The following IQCE variants were observed in gnomAD, a reference collection of about 807,000 sequenced individuals.
IQCE encodes IQ motif containing E, also known as IQ domain-containing protein E.
IQCE carries 115 observed loss-of-function variants against 96.0 expected under a neutral mutation model. The observed-to-expected ratio is 1.20, with a 90% CI of 1.03 to 1.40. IQCE has a LOEUF of 1.40. Among genes scored for constraint, IQCE ranks in the 40% most tolerant of loss-of-function variants. The probability of loss-of-function intolerance (pLI) is 0.00; values close to 1 mark genes in which losing one functional copy is unlikely to be tolerated. For missense variants in IQCE, 1,041 were observed against 909.1 expected, an observed-to-expected ratio of 1.15 and a Z score of -1.87; for synonymous variants, 412 against 371.2, an observed-to-expected ratio of 1.11 and a Z score of -1.26.
intron 18 of IQCE, 83 bp from the exon 19 acceptor site, chr7:2,604,796 GCT>G: frequency 2.2e-6 from 2 of 890,044 alleles, no homozygotes; most frequent in Non-Finnish European, 3.7e-6. Flanking sequence ...TGCCGTGGCA[GCT>G]CTCTCCTCGG....
rs111741238 is a variant in IQCE at position 2,585,724 on chromosome 7, A to G, written c.825-484A>G. Among the ~76,000 whole-genome samples, 3 of 152,294 alleles carry G rather than the reference A, an allele frequency of 2.0e-5. 1 individual carries two copies. The highest frequency in any genetic ancestry group is 4.8e-5 in the African/African-American group (2 of 41,556). The stretch of plus-strand genomic sequence containing the variant: ...GCGCCAGCGACTGGCATTTTTCATC[A>G]CCTGTGCACGTGCAAGAATCCCCAC... On this transcript the variant is annotated intron_variant, in intron 11 of 21. Transcript: ENST00000402050.
At position 2,562,285 on chromosome 7, in the gene IQCE, C is replaced by CATATGTATATATAT. The variant is rs1781022953; in HGVS notation, c.36+3072_36+3073insGTATATATATATAT. On this transcript the variant is annotated intron_variant, in intron 1 of 21. Transcript: ENST00000402050. ...ATATATACCAGTACCAATTAGGGTA[C>CATATGTATATATAT]ATATATATATATATATAAAATCCTT... 2.1e-5 allele frequency among the ~76,000 whole-genome samples: 3 copies of CATATGTATATATAT among 146,248 alleles called. 1 individual carries two copies. Among genetic ancestry groups the CATATGTATATATAT allele is most frequent in the African/African-American group, 7.6e-5 (3 of 39,398 alleles).
chr7:2,575,723 G>A (rs148816058), intron 6 of IQCE, among the ~76,000 whole-genome samples: 2,362 of 152,298 alleles, frequency 0.016, 33 homozygotes, highest in Non-Finnish European at 0.026. Context: ...GAGAGAAGAG[G>A]CTTTGCGTGG....
At chr7:2,569,965 T>C (rs1781644099) in intron 3 of IQCE, among the ~76,000 whole-genome samples, 1 of 152,154 alleles carries the variant, frequency 6.6e-6, no homozygotes, top group African/African-American at 2.4e-5. Flanking sequence ...AAATTGAGAA[T>C]TGATATAAAG....
At position 2,613,398 on chromosome 7, in the gene IQCE, C is replaced by G. The variant is rs1226358962; in HGVS notation, c.*3236C>G. On this transcript the variant is annotated 3_prime_UTR_variant, in exon 22 of 22. Coordinates refer to ENST00000402050, the MANE Select transcript of IQCE (RefSeq NM_152558.5). ...GGCTCCAGGGACATCCTTGGAGATA[C>G]AGGAGGCTTTCCTGGCACAGGGCAC... is the stretch of plus-strand genomic sequence containing the variant. 6.6e-6 allele frequency: 1 copy of G among 152,282 alleles called. No individual in the cohort carries two copies. Among genetic ancestry groups the G allele is most frequent in the Non-Finnish European group, 1.5e-5 (1 of 68,094 alleles). 9.4% of individuals were successfully genotyped at this position (152,282 alleles called of 1,614,324 possible).
chr7:2,572,064 C>A (rs1004200313), intron 4 of IQCE, 128 bp from the exon 5 acceptor site: 2 of 991,258 alleles, frequency 2.0e-6, no homozygotes, highest in African/African-American at 1.6e-5. Flanking sequence ...CATTTACCAG[C>A]ACGACACTGA....
At chr7:2,566,293 T>C (rs1320154507) in intron 1 of IQCE, among the ~76,000 whole-genome samples, 3 of 87,424 alleles carry the variant, frequency 3.4e-5, no homozygotes, top group Non-Finnish European at 6.1e-5. Context: ...AAAAGCTTCC[T>C]TTTTTTTTTT....
At chr7:2,577,338 G>T (rs1268708535) in intron 6 of IQCE, among the ~76,000 whole-genome samples, 5 of 129,522 alleles carry the variant, frequency 3.9e-5, no homozygotes, top group Non-Finnish European at 9.4e-5. Context: ...ATACACATTG[G>T]CGTGTGCGTG....
At chr7:2,573,326 G>A (rs1444972401) in intron 5 of IQCE, 92 bp from the exon 6 acceptor site, 3 of 685,680 alleles carry the variant, frequency 4.4e-6, no homozygotes, top group Non-Finnish European at 7.8e-6. Flanking sequence ...AAAAGGAAAT[G>A]TTACTAACTT....
chr7:2,599,687 G>A (rs557208843), intron 17 of IQCE, among the ~76,000 whole-genome samples: 1 of 151,390 alleles, frequency 6.6e-6, no homozygotes, highest in East Asian at 2.0e-4. Context: ...GGGTCTTGCT[G>A]TGTTGTCCAG....
chr7:2,602,474 C>T (rs1271409680), intron 18 of IQCE, among the ~76,000 whole-genome samples: 4 of 152,146 alleles, frequency 2.6e-5, no homozygotes, highest in Admixed American at 2.6e-4. Context: ...CAGGAGAGGA[C>T]CCCGCCTCAG....
At chr7:2,567,187 G>C in intron 2 of IQCE, 24 bp downstream of exon 2, 1 of 1,606,784 alleles carries the variant, frequency 6.2e-7, no homozygotes, top group Non-Finnish European at 8.5e-7. Context: ...GGTGTCAGCC[G>C]TGCGACCTCG....
Position 2,583,656 on chromosome 7 carries a change from A to G in IQCE, c.721A>G (p.Lys241Glu). Residue 241 changes from lysine (K) to glutamate (E), a missense_variant, in exon 10 of 22, where the codon AAG (lysine) becomes GAG (glutamate). Lys to Glu is a moderately conservative substitution (Grantham distance 56). Coordinates refer to ENST00000402050, the MANE Select transcript of IQCE (RefSeq NM_152558.5). ...TTTCAGCAAACTCCAGACCGATATG[A>G]AGACTACCAACCTGGAAGAGATGCG... ...GTISKLQTDM[K>E]TTNLEEMRIA... 1 of 1,593,626 alleles carries G rather than the reference A, an allele frequency of 6.3e-7. No homozygotes were observed. The highest frequency in any genetic ancestry group is 8.6e-7 in the Non-Finnish European group (1 of 1,167,632).
intron 14 of IQCE, among the ~76,000 whole-genome samples, chr7:2,590,780 G>A (rs543596162): frequency 3.9e-5 from 6 of 152,248 alleles, no homozygotes; most frequent in South Asian, 4.2e-4. Context: ...TGTAGGGAAC[G>A]GTGGGAGAGC....
At chr7:2,562,079 A>G (rs552813332) in intron 1 of IQCE, among the ~76,000 whole-genome samples, 1 of 152,316 alleles carries the variant, frequency 6.6e-6, no homozygotes, top group South Asian at 2.1e-4. Flanking sequence ...TTCATAGATT[A>G]TTGAGTATCT....
chr7:2,583,524 C>G, intron 9 of IQCE, 113 bp from the exon 10 acceptor site: 1 of 607,482 alleles, frequency 1.6e-6, no homozygotes, highest in Non-Finnish European at 2.7e-6. Flanking sequence ...CCCTCCCATC[C>G]TGGGTCTTTT....
In IQCE at chr7:2,609,260, G is replaced by T. The variant is rs575704082; in HGVS notation, c.1970-784G>T. 2.6e-5 allele frequency among the ~76,000 whole-genome samples: 4 copies of T among 151,896 alleles called. No individual in the cohort carries two copies. In the East Asian group the frequency reaches 7.7e-4, roughly 29 times the overall value. Reference sequence around the variant, plus strand: ...GCAAGCTCACAGCGATCCGTGCCTTGCCCCCTCCTGCCCTCTATACCAGTG... The same window carrying T: ...GCAAGCTCACAGCGATCCGTGCCTTTCCCCCTCCTGCCCTCTATACCAGTG... On this transcript the variant is annotated intron_variant, in intron 21 of 21. Transcript: ENST00000402050.
chr7:2,595,899 C>A (rs577541516), intron 16 of IQCE, among the ~76,000 whole-genome samples: 1 of 151,152 alleles, frequency 6.6e-6, no homozygotes, highest in East Asian at 1.9e-4. Flanking sequence ...GTACTTGCCT[C>A]CCTGGAGGGT....
At position 2,612,811 on chromosome 7, in the gene IQCE, G is replaced by A. The variant is rs1019421560; in HGVS notation, c.*2649G>A. 1.3e-5 allele frequency: 2 copies of A among 152,980 alleles called. No individual in the cohort carries two copies. Among genetic ancestry groups the A allele is most frequent in the Non-Finnish European group, 2.9e-5 (2 of 68,482 alleles). 9.5% of individuals were successfully genotyped at this position (152,980 alleles called of 1,614,324 possible). A position where few individuals can be genotyped will look rare whatever the true frequency, so the allele number is the denominator to read the frequency against. On this transcript the variant is annotated 3_prime_UTR_variant, in exon 22 of 22. Transcript: ENST00000402050. ...GAGCTGTGAGTGGGGCTGAGCCATGGGAGCAGCAAGCTGGTGGAGTGGGCT... is the reference window on the plus strand; with the variant it reads ...GAGCTGTGAGTGGGGCTGAGCCATGAGAGCAGCAAGCTGGTGGAGTGGGCT...
Sources: gnomAD v4.1 joint callset for allele counts (sites outside exome capture counted in the v4.1 genomes callset) on GRCh38, gnomAD v4.1.1 for gene constraint, MANE v1.5 for transcripts, NCBI Gene and HGNC (gene_info 2026-07-23, HGNC 2026-07-21) for gene names.